SHANK2: variants seen among roughly 807,000 people sequenced by gnomAD.
SHANK2 encodes SH3 and multiple ankyrin repeat domains 2.
Under a neutral mutation model 133.7 loss-of-function variants are expected in SHANK2, and 43 were observed. The observed-to-expected ratio is 0.32, with a 90% CI of 0.25 to 0.41. The LOEUF is 0.41. SHANK2 is among the 10% of genes least tolerant of loss of function. SHANK2 has a pLI of 1.00. For missense variants in SHANK2, 1,994 were observed against 2,235.8 expected, an observed-to-expected ratio of 0.89 and a Z score of 2.18; for synonymous variants, 1,017 against 952.8, an observed-to-expected ratio of 1.07 and a Z score of -1.24.
Position 71,115,463 on chromosome 11 carries a change from G to C in SHANK2, c.412-2099C>G, listed in dbSNP as rs545894388. Among the ~76,000 whole-genome samples the C allele has an allele frequency of 2.0e-3, 297 of 152,120 alleles. 1 individual carries two copies. The highest frequency in any genetic ancestry group is 5.9e-3 in the Admixed American group (90 of 15,274). ...TAGCCTGGATGACAGAGCGAGACTC[G>C]GTCTCAAAAACAAAACAAAACAAAA... On this transcript the variant is annotated intron_variant, in intron 4 of 25. Transcript: ENST00000601538.
At chr11:70,560,412 G>C (rs2059892396) in intron 17 of SHANK2, among the ~76,000 whole-genome samples, 1 of 150,612 alleles carries the variant, frequency 6.6e-6, no homozygotes, top group Admixed American at 6.6e-5. Context: ...TTTAGATCAT[G>C]TGGCAGGAGA....
At chr11:71,062,623 T>C (rs1372764219) in intron 9 of SHANK2, among the ~76,000 whole-genome samples, 1 of 152,058 alleles carries the variant, frequency 6.6e-6, no homozygotes, top group African/African-American at 2.4e-5. Context: ...ATACAGAATA[T>C]GAGAGCCCTG....
At chr11:70,502,744 C>CG (rs1184380103) in intron 18 of SHANK2, 52 bp downstream of exon 18, 32 of 791,054 alleles carry the variant, frequency 4.0e-5, no homozygotes, top group South Asian at 3.7e-4. Flanking sequence ...CGCCCCCACC[C>CG]CCCCCCCCCA....
intron 14 of SHANK2, among the ~76,000 whole-genome samples, chr11:70,757,446 G>A (rs1946898980): frequency 6.6e-6 from 1 of 152,228 alleles, no homozygotes. Flanking sequence ...TGGAGAGGCC[G>A]GGACACCCAG....
At chr11:70,828,445 T>C (rs1555057651) in intron 11 of SHANK2, among the ~76,000 whole-genome samples, 2 of 152,228 alleles carry the variant, frequency 1.3e-5, no homozygotes, top group Non-Finnish European at 2.9e-5. Context: ...TTCTAAGACT[T>C]GCATTAAGAA....
chr11:70,508,173 G>C lies in SHANK2; in HGVS notation c.2062-5242C>G, dbSNP rs530871569. Among the ~76,000 whole-genome samples the C allele has an allele frequency of 8.5e-5, 13 of 152,364 alleles. No homozygotes were observed. In the South Asian group the frequency reaches 2.5e-3, roughly 29 times the overall value. On this transcript the variant is annotated intron_variant, in intron 17 of 25. Coordinates refer to ENST00000601538, the MANE Select transcript of SHANK2 (RefSeq NM_012309.5). ...CAGGCAATGAGAGCCTGCCTACTGG[G>C]AACGCCACAGGGCACCAGGGCTCAT...
chr11:70,758,454 C>T (rs1555039465), intron 14 of SHANK2, among the ~76,000 whole-genome samples: 3 of 152,240 alleles, frequency 2.0e-5, no homozygotes, highest in Admixed American at 1.3e-4. Context: ...CATTGCTGCT[C>T]CCAATTGGGC....
chr11:71,214,327 G>A (rs1555119336), intron 2 of SHANK2, among the ~76,000 whole-genome samples: 4 of 152,166 alleles, frequency 2.6e-5, no homozygotes, highest in Non-Finnish European at 4.4e-5. Context: ...CAGTTTCCAC[G>A]CAGGTGAGGA....
chr11:71,168,544 G>A (rs1024918528), intron 2 of SHANK2, among the ~76,000 whole-genome samples: 57 of 152,186 alleles, frequency 3.7e-4, no homozygotes, highest in African/African-American at 1.3e-3. Context: ...CATTGAGCAC[G>A]GAGTGAACGA....
intron 10 of SHANK2, among the ~76,000 whole-genome samples, chr11:70,949,845 T>G (rs1374348097): frequency 1.3e-5 from 2 of 152,206 alleles, no homozygotes; most frequent in African/African-American, 4.8e-5. Context: ...GTCTGACCCC[T>G]CCACCTGCGC....
chr11:70,773,027 T>C (rs1199177712), intron 14 of SHANK2, among the ~76,000 whole-genome samples: 1 of 152,202 alleles, frequency 6.6e-6, no homozygotes, highest in East Asian at 1.9e-4. Flanking sequence ...GGAGGTGACC[T>C]CTGGCTCCTC....
At chr11:70,787,266 GC>G (rs1947683964) in intron 14 of SHANK2, among the ~76,000 whole-genome samples, 57 of 119,578 alleles carry the variant, frequency 4.8e-4, no homozygotes, top group Middle Eastern at 7.2e-3. Context: ...ACCACCAGCA[GC>G]ATCACCACCA....
At position 70,580,799 on chromosome 11, in the gene SHANK2, A is replaced by G. The variant is rs1477936366; in HGVS notation, c.2062-77868T>C. Among the ~76,000 whole-genome samples the G allele has an allele frequency of 2.0e-5, 3 of 152,184 alleles. No homozygotes were observed. In the South Asian group the frequency reaches 6.2e-4, roughly 32 times the overall value. ...GGCCACATCTTCATGCCACCCTGAG[A>G]CCACAAAGCCTGTGCTGCTCTCAAA... On this transcript the variant is annotated intron_variant, in intron 17 of 25. Coordinates refer to ENST00000601538, the MANE Select transcript of SHANK2 (RefSeq NM_012309.5).
At chr11:70,797,522 C>A (rs1327642946) in intron 14 of SHANK2, among the ~76,000 whole-genome samples, 1 of 152,182 alleles carries the variant, frequency 6.6e-6, no homozygotes, top group African/African-American at 2.4e-5. Flanking sequence ...AGGACAGACT[C>A]CTCCTTGCTT....
chr11:71,190,723 G>A (rs1215483721), intron 2 of SHANK2, among the ~76,000 whole-genome samples: 2 of 152,338 alleles, frequency 1.3e-5, no homozygotes, highest in East Asian at 3.9e-4. Context: ...CAGGCGTTGA[G>A]AGGAGGCTTC....
intron 15 of SHANK2, among the ~76,000 whole-genome samples, chr11:70,696,694 T>C (rs546635471): frequency 2.0e-5 from 3 of 152,348 alleles, no homozygotes; most frequent in African/African-American, 7.2e-5. Context: ...CTCCTGGCTA[T>C]GGCATTCCTT....
intron 23 of SHANK2, chr11:70,489,878 C>T (rs1207417784): frequency 1.3e-5 from 4 of 313,816 alleles, no homozygotes; most frequent in Non-Finnish European, 2.5e-5. Flanking sequence ...AGCTCATACT[C>T]CAGGCCTGGT....
At chr11:70,934,210 C>G (rs1428967960) in intron 10 of SHANK2, among the ~76,000 whole-genome samples, 1 of 118,500 alleles carries the variant, frequency 8.4e-6, no homozygotes, top group Non-Finnish European at 1.6e-5. Context: ...CCAGCCTGGG[C>G]AACAGAGCGG....
chr11:70,517,228 G>A (rs1380156465), intron 17 of SHANK2, among the ~76,000 whole-genome samples: 1 of 152,188 alleles, frequency 6.6e-6, no homozygotes. Context: ...AAATGCCGGC[G>A]AGGATGTGCA....
Sources: allele counts gnomAD v4.1 joint callset (sites outside exome capture counted in the v4.1 genomes callset), GRCh38; gene constraint gnomAD v4.1.1; transcripts MANE v1.5; gene names NCBI Gene and HGNC (gene_info 2026-07-23, HGNC 2026-07-21).